NEMP2: variants seen among roughly 807,000 people sequenced by gnomAD.
NEMP2 encodes nuclear envelope integral membrane protein 2, also known as UPF0571 transmembrane protein.
Under a neutral mutation model 54.2 loss-of-function variants are expected in NEMP2, and 53 were observed. That is an observed-to-expected ratio of 0.98 (90% confidence interval 0.78 to 1.23). The LOEUF (loss-of-function observed/expected upper bound fraction) is 1.23. Among genes scored for constraint, NEMP2 ranks in the 50% most tolerant of loss-of-function variants. NEMP2 has a pLI of 0.00. For synonymous variants in NEMP2, 197 were observed against 190.3 expected (o/e 1.04, Z -0.29); for missense variants, 455 against 511.3 (o/e 0.89, Z 1.06).
At chr2:190,641,910 T>A in the NEMP2 span, among the ~76,000 whole-genome samples, 1 of 152,248 alleles carries the variant, frequency 6.6e-6, no homozygotes, top group South Asian at 2.1e-4. Context: ...TTTCCCGAAA[T>A]TCTCTTAAGA....
the NEMP2 span, among the ~76,000 whole-genome samples, chr2:190,614,767 G>T: frequency 6.6e-6 from 1 of 152,164 alleles, no homozygotes; most frequent in East Asian, 1.9e-4. This position sits in a 1 kb window ranked among gnomAD's most constrained non-coding sequence, Gnocchi z 5.7. Flanking sequence ...TGCAAAGCAG[G>T]TGTATGAGCA....
At position 190,515,159 on chromosome 2, in the gene NEMP2, G is replaced by A. The variant is rs193195870; in HGVS notation, c.728-481C>T. Among the ~76,000 whole-genome samples, 879 of 152,264 alleles carry A rather than the reference G, an allele frequency of 5.8e-3. 13 individuals carry two copies. The highest frequency in any genetic ancestry group is 0.02 in the African/African-American group (851 of 41,536). ...TTCTGTGTCTCTGGGTATGATCCAA[G>A]GTGAAGTGCCCATCACCTCTTAGGT... On this transcript the variant is annotated intron_variant, in intron 6 of 8. Coordinates refer to ENST00000409150, the MANE Select transcript of NEMP2 (RefSeq NM_001142645.2).
the NEMP2 span, among the ~76,000 whole-genome samples, chr2:190,595,729 C>A: frequency 6.6e-6 from 1 of 152,044 alleles, no homozygotes; most frequent in African/African-American, 2.4e-5. The surrounding 1 kb of genome is among the most constrained non-coding windows in gnomAD (Gnocchi z 4.0). Flanking sequence ...GAATGGTGAT[C>A]ATTAAAAAGT....
At chr2:190,581,195 G>A in the NEMP2 span, among the ~76,000 whole-genome samples, 4 of 152,142 alleles carry the variant, frequency 2.6e-5, no homozygotes, top group Non-Finnish European at 5.9e-5. Context: ...AAGCTCATAA[G>A]AGCTCAAGGT....
chr2:190,575,976 TA>T, the NEMP2 span, among the ~76,000 whole-genome samples: 1 of 151,498 alleles, frequency 6.6e-6, no homozygotes, highest in African/African-American at 2.4e-5. Flanking sequence ...GTTTCTGGTT[TA>T]CTTTTTTTTT....
At chr2:190,594,141 G>A in the NEMP2 span, among the ~76,000 whole-genome samples, 1 of 152,148 alleles carries the variant, frequency 6.6e-6, no homozygotes, top group Non-Finnish European at 1.5e-5. This position sits in a 1 kb window ranked among gnomAD's most constrained non-coding sequence, Gnocchi z 5.6. Flanking sequence ...AATATAGTGA[G>A]CTTGAACTCA....
chr2:190,484,551 G>C, the NEMP2 span, among the ~76,000 whole-genome samples: 3 of 152,066 alleles, frequency 2.0e-5, no homozygotes, highest in Non-Finnish European at 1.5e-5. Flanking sequence ...CAAGTTTCTA[G>C]GTTGCTTTTT....
the NEMP2 span, among the ~76,000 whole-genome samples, chr2:190,430,207 CTTT>C: frequency 1.5e-5 from 2 of 132,110 alleles, no homozygotes. Flanking sequence ...AGTCCTCATT[CTTT>C]TTTTTTTTTT....
the NEMP2 span, among the ~76,000 whole-genome samples, chr2:190,551,376 A>AT: frequency 2.8e-4 from 41 of 147,326 alleles, no homozygotes; most frequent in African/African-American, 7.7e-4. Flanking sequence ...TTTTCATTTA[A>AT]TTTTTTTTTC....
chr2:190,498,758 G>A, the NEMP2 span, among the ~76,000 whole-genome samples: 1 of 152,146 alleles, frequency 6.6e-6, no homozygotes, highest in Admixed American at 6.5e-5. The surrounding 1 kb of genome is among the most constrained non-coding windows in gnomAD (Gnocchi z 5.9). Flanking sequence ...TGCTTGAGTA[G>A]CAATATTTTC....
chr2:190,617,475 A>C, the NEMP2 span, among the ~76,000 whole-genome samples: 1 of 151,988 alleles, frequency 6.6e-6, no homozygotes, highest in Non-Finnish European at 1.5e-5. The surrounding 1 kb of genome is among the most constrained non-coding windows in gnomAD (Gnocchi z 5.0). Context: ...TCCCACCCCT[A>C]CCCTTCCACC....
the NEMP2 span, among the ~76,000 whole-genome samples, chr2:190,427,327 G>A: frequency 6.6e-6 from 1 of 152,208 alleles, no homozygotes; most frequent in Non-Finnish European, 1.5e-5. Context: ...GGGCAGAATT[G>A]TAGGCTCCCT....
the NEMP2 span, among the ~76,000 whole-genome samples, chr2:190,498,424 CATAAAA>C: frequency 1.2e-4 from 19 of 152,078 alleles, no homozygotes; most frequent in African/African-American, 3.4e-4. The surrounding 1 kb of genome is among the most constrained non-coding windows in gnomAD (Gnocchi z 5.9). Flanking sequence ...TCAGAGGACA[CATAAAA>C]ATAAAGGGGA....
chr2:190,631,062 A>T, the NEMP2 span, among the ~76,000 whole-genome samples: 3 of 152,154 alleles, frequency 2.0e-5, no homozygotes. Context: ...TGATAATACT[A>T]CTTTGCAGAT....
the NEMP2 span, chr2:190,607,880 C>T: frequency 6.6e-6 from 1 of 152,158 alleles, no homozygotes; most frequent in Non-Finnish European, 1.5e-5. This position sits in a 1 kb window ranked among gnomAD's most constrained non-coding sequence, Gnocchi z 5.2. Context: ...CACTCATTCC[C>T]TCAGGGTGGG....
chr2:190,425,969 G>A, the NEMP2 span, among the ~76,000 whole-genome samples: 1 of 152,004 alleles, frequency 6.6e-6, no homozygotes, highest in Non-Finnish European at 1.5e-5. This position sits in a 1 kb window ranked among gnomAD's most constrained non-coding sequence, Gnocchi z 4.3. Flanking sequence ...GTTTCTCTCT[G>A]CTTTCAAAAT....
the NEMP2 span, among the ~76,000 whole-genome samples, chr2:190,637,946 T>C: frequency 6.5e-4 from 99 of 152,316 alleles, no homozygotes; most frequent in Non-Finnish European, 2.2e-4. The surrounding 1 kb of genome is among the most constrained non-coding windows in gnomAD (Gnocchi z 4.5). Flanking sequence ...TCTGGGTATA[T>C]TTGGATCAGA....
the NEMP2 span, among the ~76,000 whole-genome samples, chr2:190,462,499 T>A: frequency 1.3e-4 from 20 of 152,340 alleles, no homozygotes; most frequent in African/African-American, 4.1e-4. This position sits in a 1 kb window ranked among gnomAD's most constrained non-coding sequence, Gnocchi z 5.7. Flanking sequence ...AATGATGTTA[T>A]GGATTCATGG....
the NEMP2 span, among the ~76,000 whole-genome samples, chr2:190,591,689 T>C: frequency 4.2e-4 from 64 of 152,318 alleles, no homozygotes; most frequent in Admixed American, 1.2e-3. The surrounding 1 kb of genome is among the most constrained non-coding windows in gnomAD (Gnocchi z 5.4). Context: ...TAGCTACTGC[T>C]CATGGAAACC....
Sources: allele counts gnomAD v4.1 joint callset (sites outside exome capture counted in the v4.1 genomes callset), GRCh38; gene constraint gnomAD v4.1.1; non-coding constraint Gnocchi (gnomAD v3.1); transcripts MANE v1.5; gene names NCBI Gene and HGNC (gene_info 2026-07-23, HGNC 2026-07-21).